RPS6KA2: variants seen among roughly 807,000 people sequenced by gnomAD.
RPS6KA2 encodes the protein ribosomal protein S6 kinase A2, also known as ribosomal protein S6 kinase alpha-2.
In RPS6KA2, 42 loss-of-function variants were observed where a neutral mutation model predicts 91.8. That is an observed-to-expected ratio of 0.46 (90% CI 0.36 to 0.59). The LOEUF (loss-of-function observed/expected upper bound fraction) is 0.59, where lower values mean the gene tolerates loss of function less well. Among genes scored for constraint, RPS6KA2 ranks in the 20% least tolerant of loss-of-function variants. The pLI is 0.00. For missense variants in RPS6KA2, 798 were observed against 978.5 expected (o/e 0.82, Z 2.46); for synonymous variants, 414 against 393.6 (o/e 1.05, Z -0.61).
intron 3 of RPS6KA2, among the ~76,000 whole-genome samples, chr6:166,523,014 C>T (rs902655527): frequency 1.3e-5 from 2 of 152,190 alleles, no homozygotes; most frequent in Non-Finnish European, 2.9e-5. Flanking sequence ...AAGCCCATTA[C>T]TCTTAACTAC....
chr6:166,822,799 A>ATGAG (rs1779936374), intron 2 of RPS6KA2, among the ~76,000 whole-genome samples: 1 of 148,122 alleles, frequency 6.8e-6, no homozygotes, highest in Admixed American at 6.6e-5. Context: ...CAATGAATGA[A>ATGAG]TGAATGAATG....
At chr6:166,592,772 T>C (rs1785399455) in intron 1 of RPS6KA2, among the ~76,000 whole-genome samples, 1 of 152,190 alleles carries the variant, frequency 6.6e-6, no homozygotes. Flanking sequence ...CTCTTGGCTA[T>C]GTCTACTGTG....
intron 2 of RPS6KA2, among the ~76,000 whole-genome samples, chr6:166,800,078 G>C (rs1779326246): frequency 6.6e-6 from 1 of 152,150 alleles, no homozygotes; most frequent in African/African-American, 2.4e-5. Flanking sequence ...GCAGTCTCCA[G>C]CCTAATACAC....
At chr6:166,775,041 GCAT>G (rs1276557577) in intron 2 of RPS6KA2, among the ~76,000 whole-genome samples, 1 of 152,112 alleles carries the variant, frequency 6.6e-6, no homozygotes, top group African/African-American at 2.4e-5. Flanking sequence ...CCTGCGCTCA[GCAT>G]CATCAGAGTT....
intron 8 of RPS6KA2, among the ~76,000 whole-genome samples, chr6:166,496,910 T>C (rs965005680): frequency 2.0e-5 from 3 of 152,232 alleles, no homozygotes; most frequent in African/African-American, 7.2e-5. Flanking sequence ...CAGACTTCCC[T>C]GCACCGGCAA....
intron 1 of RPS6KA2, among the ~76,000 whole-genome samples, chr6:166,574,140 G>C (rs900950107): frequency 1.3e-5 from 2 of 152,108 alleles, no homozygotes; most frequent in African/African-American, 4.8e-5. Flanking sequence ...AGGTGCAAGA[G>C]GGTTTTTTAA....
At chr6:166,775,958 G>C (rs2128608573) in intron 2 of RPS6KA2, among the ~76,000 whole-genome samples, 1 of 152,332 alleles carries the variant, frequency 6.6e-6, no homozygotes, top group South Asian at 2.1e-4. Context: ...TGGAGGGCCA[G>C]AACTGGAAGT....
chr6:166,660,300 TTGTGTGTGTGCATGTG>T (rs566273733), intron 2 of RPS6KA2, among the ~76,000 whole-genome samples: 23 of 150,394 alleles, frequency 1.5e-4, no homozygotes, highest in East Asian at 7.8e-4. Context: ...CTGTATCTCA[TTGTGTGTGTGCATGTG>T]TGTGTGTGTG....
chr6:166,669,090 C>A (rs1431801164), intron 2 of RPS6KA2, among the ~76,000 whole-genome samples: 1 of 152,004 alleles, frequency 6.6e-6, no homozygotes, highest in African/African-American at 2.4e-5. Context: ...GACGGGGTTT[C>A]ACCATGTTGC....
chr6:166,716,960 C>T (rs1046369869), intron 2 of RPS6KA2, among the ~76,000 whole-genome samples: 1 of 152,214 alleles, frequency 6.6e-6, no homozygotes, highest in Non-Finnish European at 1.5e-5. Flanking sequence ...AGAACTCACA[C>T]AAATGAGGAA....
intron 2 of RPS6KA2, among the ~76,000 whole-genome samples, chr6:166,694,889 C>G (rs1349381249): frequency 6.6e-6 from 1 of 152,216 alleles, no homozygotes; most frequent in African/African-American, 2.4e-5. Context: ...CCATTCCTCC[C>G]AGCTGGGTTT....
chr6:166,428,676 T>C (rs1779012438), intron 16 of RPS6KA2, among the ~76,000 whole-genome samples: 1 of 151,058 alleles, frequency 6.6e-6, no homozygotes. Flanking sequence ...AAAGAAGACA[T>C]TTATGCAGCC....
intron 2 of RPS6KA2, among the ~76,000 whole-genome samples, chr6:166,721,287 C>T (rs75635840): frequency 0.028 from 4,238 of 152,264 alleles, 195 homozygotes; most frequent in African/African-American, 0.095. Flanking sequence ...CAAAAGACTG[C>T]AGCCTCCAAC....
rs910978203 is a variant in RPS6KA2, at chr6:166,858,618, C to T, written c.64-359G>A. On this transcript the variant is annotated intron_variant, in intron 1 of 21. Transcript: ENST00000503859. ...GATTTTCATGAAGCTAAAATACGAA[C>T]GGAGCTGATGTGGAAGCACAGAGCA... 9.8e-5 allele frequency among the ~76,000 whole-genome samples: 15 copies of T among 152,294 alleles called. 1 individual carries two copies. Among genetic ancestry groups the T allele is most frequent in the Admixed American group, 9.2e-4 (14 of 15,288 alleles).
In RPS6KA2 at chr6:166,416,228, C is replaced by T. The variant is rs1778512306; in HGVS notation, c.1938+1997G>A. Among the ~76,000 whole-genome samples, 4 of 152,370 alleles carry T rather than the reference C, an allele frequency of 2.6e-5. No individual in the cohort carries two copies. The South Asian group carries it at 6.2e-4, about 24-fold the overall frequency. On this transcript the variant is annotated intron_variant, in intron 19 of 20. Transcript: ENST00000265678. ...CTACCATCACCCTCGCCATCATCTT[C>T]ACCACCACCTCCACCATCACCCTCA...
At chr6:166,484,415 G>A (rs1164579729) in intron 10 of RPS6KA2, among the ~76,000 whole-genome samples, 1 of 152,184 alleles carries the variant, frequency 6.6e-6, no homozygotes. Flanking sequence ...ACAGATGCTT[G>A]TTCTCCTGCC....
intron 2 of RPS6KA2, among the ~76,000 whole-genome samples, chr6:166,683,575 C>A (rs1008615981): frequency 6.6e-6 from 1 of 152,214 alleles, no homozygotes; most frequent in Non-Finnish European, 1.5e-5. Flanking sequence ...CATCTAAGGA[C>A]AATGTGTGAC....
chr6:166,791,292 A>T, intron 2 of RPS6KA2, among the ~76,000 whole-genome samples: 1 of 152,200 alleles, frequency 6.6e-6, no homozygotes, highest in East Asian at 1.9e-4. Context: ...TGGTAAAGGG[A>T]TCAATTCAAC....
At chr6:166,416,987 C>T (rs1196975764) in intron 19 of RPS6KA2, among the ~76,000 whole-genome samples, 1 of 152,238 alleles carries the variant, frequency 6.6e-6, no homozygotes, top group Non-Finnish European at 1.5e-5. Context: ...GAGCCCCTGA[C>T]TCCTTCTCTT....
Sources: gnomAD v4.1 joint callset for allele counts (sites outside exome capture counted in the v4.1 genomes callset) on GRCh38, gnomAD v4.1.1 for gene constraint, MANE v1.5 for transcripts, NCBI Gene and HGNC (gene_info 2026-07-23, HGNC 2026-07-21) for gene names.